Variants in LMO3 observed in about 807,000 individuals in gnomAD.
The protein encoded by LMO3 is LIM domain only 3, also known as LIM domain only protein 3.
In LMO3, 2 loss-of-function variants were observed where a neutral mutation model predicts 15.8. The observed-to-expected ratio is 0.13, with a 90% confidence interval of 0.05 to 0.40. The LOEUF (loss-of-function observed/expected upper bound fraction) is 0.40, where lower values mean the gene tolerates loss of function less well. Among genes scored for constraint, LMO3 ranks in the 10% least tolerant of loss-of-function variants. The probability of loss-of-function intolerance (pLI) is 0.99; values close to 1 mark genes in which losing one functional copy is unlikely to be tolerated. For missense variants in LMO3, 86 were observed against 182.2 expected (o/e 0.47, Z 3.04); for synonymous variants, 62 against 63.8 (o/e 0.97, Z 0.13).
At chr12:16,553,706 A>G (rs1380946662) in intron 3 of LMO3, among the ~76,000 whole-genome samples, 1 of 152,176 alleles carries the variant, frequency 6.6e-6, no homozygotes, top group Non-Finnish European at 1.5e-5. Flanking sequence ...TAAGGTTGAC[A>G]TCCTCTTTAA....
intron 2 of LMO3, among the ~76,000 whole-genome samples, chr12:16,578,395 G>A (rs992176564): frequency 5.3e-5 from 8 of 152,136 alleles, no homozygotes; most frequent in South Asian, 2.1e-4. Context: ...GAAAGGGGAG[G>A]GGTCAGGTAG....
In LMO3 at chr12:16,593,637, G is replaced by A. The variant is rs943700490; in HGVS notation, c.206+7018C>T. ...ACAAGCAAATGCACAGTTGGCTGATGTAGTTAGTTTGTGAAGATAGAAAAC... is the reference window on the plus strand; with the variant it reads ...ACAAGCAAATGCACAGTTGGCTGATATAGTTAGTTTGTGAAGATAGAAAAC... On this transcript the variant is annotated intron_variant, in intron 2 of 3. Transcript: ENST00000537304. This position sits in a 1 kb window ranked among gnomAD's most constrained non-coding sequence, Gnocchi z 4.2. Among the ~76,000 whole-genome samples the A allele has an allele frequency of 6.6e-6, 1 of 151,798 alleles. No individual in the cohort carries two copies. The highest frequency in any genetic ancestry group is 1.5e-5 in the Non-Finnish European group (1 of 67,780).
At chr12:16,606,719 G>A (rs983392142), upstream of LMO3, 1 of 152,094 alleles carries the variant, frequency 6.6e-6, no homozygotes, top group Non-Finnish European at 1.5e-5. Context: ...TGCGAGTGCA[G>A]TCAGCACAAC....
chr12:16,579,206 A>G (rs930192367), intron 2 of LMO3, among the ~76,000 whole-genome samples: 1 of 152,188 alleles, frequency 6.6e-6, no homozygotes, highest in African/African-American at 2.4e-5. Flanking sequence ...CACATAATTT[A>G]GATATTTAGG....
At position 16,606,078 on chromosome 12, in the gene LMO3, G is replaced by A. The variant is rs1242495956; in HGVS notation, c.-21C>T. ...TTGCTGCACTTACCTTCTCAATTAA[G>A]CGATACAGGGGGAGGCCGTTCAGTA... On this transcript the variant is annotated 5_prime_UTR_variant, in exon 1 of 4. Transcript: ENST00000537304. The A allele has an allele frequency of 4.1e-6, 2 of 486,370 alleles. No homozygotes were observed. The highest frequency in any genetic ancestry group is 4.0e-5 in the African/African-American group (2 of 50,046). 30.1% of individuals were successfully genotyped at this position (486,370 alleles called of 1,614,324 possible). A position where few individuals can be genotyped will look rare whatever the true frequency, so the allele number is the denominator to read the frequency against.
Position 16,550,772 on chromosome 12 carries a change from G to A in LMO3, c.*450C>T, listed in dbSNP as rs1273404220. 6.5e-6 allele frequency: 1 copy of A among 153,296 alleles called. No individual in the cohort carries two copies. Among genetic ancestry groups the A allele is most frequent in the Non-Finnish European group, 1.5e-5 (1 of 68,534 alleles). 9.5% of individuals were successfully genotyped at this position (153,296 alleles called of 1,614,324 possible). A position where few individuals can be genotyped will look rare whatever the true frequency, so the allele number is the denominator to read the frequency against. ...TTCAATTCTTTACTAGAAAGTTACA[G>A]CTCATTTAAAATAGCTGGTAAATAC... On this transcript the variant is annotated 3_prime_UTR_variant, in exon 4 of 4. Transcript: ENST00000537304.
chr12:16,580,319 G>C lies in LMO3; in HGVS notation c.207-19781C>G, dbSNP rs373193607. Among the ~76,000 whole-genome samples, 124 of 152,240 alleles carry C rather than the reference G, an allele frequency of 8.1e-4. 4 individuals carry two copies. In the South Asian group the frequency reaches 0.025, roughly 31 times the overall value. Reference sequence around the variant, plus strand: ...AACTTCTGTTTTACTGGGAGCACTAGGAATAGAAGGATCAAGAGCAAAGAC... The same window carrying C: ...AACTTCTGTTTTACTGGGAGCACTACGAATAGAAGGATCAAGAGCAAAGAC... On this transcript the variant is annotated intron_variant, in intron 2 of 3. Coordinates refer to ENST00000537304, the MANE Select transcript of LMO3 (RefSeq NM_018640.5).
chr12:16,573,681 G>A (rs115452118), intron 2 of LMO3: 1 of 152,188 alleles, frequency 6.6e-6, no homozygotes, highest in African/African-American at 2.4e-5. Context: ...TGCTCTGCTC[G>A]AGCTGGAGCG....
intron 2 of LMO3, among the ~76,000 whole-genome samples, chr12:16,578,258 A>G (rs1215840019): frequency 6.6e-6 from 1 of 152,222 alleles, no homozygotes; most frequent in Admixed American, 6.5e-5. Context: ...GAATTCTAAG[A>G]GAATTTTTTC....
chr12:16,605,565 C>CT (rs1943965925), intron 1 of LMO3: 5 of 640,004 alleles, frequency 7.8e-6, no homozygotes, highest in South Asian at 4.2e-5. Context: ...AATATCAACT[C>CT]TTTAAGAAGT....
chr12:16,585,376 A>G lies in LMO3; in HGVS notation c.206+15279T>C, dbSNP rs1301295842. 6.6e-6 allele frequency among the ~76,000 whole-genome samples: 1 copy of G among 152,208 alleles called. No homozygotes were observed. Among genetic ancestry groups the G allele is most frequent in the Admixed American group, 6.5e-5 (1 of 15,282 alleles). On this transcript the variant is annotated intron_variant, in intron 2 of 3. Transcript: ENST00000537304. The surrounding 1 kb of genome is among the most constrained non-coding windows in gnomAD (Gnocchi z 4.7). ...TGGATTAACTTTATGTTAAACAATC[A>G]CTTGGCCACAAAGATTAATATTAAC...
Position 16,560,573 on chromosome 12 carries a change from T to C in LMO3, c.207-35A>G. 1.1e-5 allele frequency: 18 copies of C among 1,584,492 alleles called. No individual in the cohort carries two copies. Among genetic ancestry groups the C allele is most frequent in the Non-Finnish European group, 1.6e-5 (18 of 1,160,708 alleles). ...GAAACATTTTTTTTTTTTTACAAAC[T>C]CTTACAGAGAAATCTGAGATCGTGA... On this transcript the variant is annotated intron_variant, in intron 2 of 3. Transcript: ENST00000537304. The surrounding 1 kb of genome is among the most constrained non-coding windows in gnomAD (Gnocchi z 5.0).
chr12:16,605,185 C>T (rs1943947623), intron 1 of LMO3: 1 of 1,348,858 alleles, frequency 7.4e-7, no homozygotes, highest in African/African-American at 1.5e-5. Context: ...GCCCGTAATC[C>T]TAAAATCCCA....
chr12:16,575,602 T>G (rs952267608), intron 2 of LMO3, among the ~76,000 whole-genome samples: 1 of 152,126 alleles, frequency 6.6e-6, no homozygotes, highest in Non-Finnish European at 1.5e-5. Context: ...ATCCATTTTA[T>G]GGATGAGGAA....
Position 16,559,947 on chromosome 12 carries a change from C to T in LMO3, c.332+466G>A, listed in dbSNP as rs1942331279. On this transcript the variant is annotated intron_variant, in intron 3 of 3. Transcript: ENST00000537304. The surrounding 1 kb of genome is among the most constrained non-coding windows in gnomAD (Gnocchi z 4.1). ...TGCGCTCTAGGCTGGGTGACAGAAC[C>T]AGACCTTGTATTTAAAAAAGCAAAA... 6.6e-6 allele frequency among the ~76,000 whole-genome samples: 1 copy of T among 151,844 alleles called. No homozygotes were observed. Among genetic ancestry groups the T allele is most frequent in the African/African-American group, 2.4e-5 (1 of 41,348 alleles).
intron 2 of LMO3, among the ~76,000 whole-genome samples, chr12:16,561,707 G>A (rs1298599136): frequency 3.3e-5 from 5 of 152,204 alleles, no homozygotes. Context: ...TCATTTTCAA[G>A]TTTATAACTA....
intron 1 of LMO3, chr12:16,605,805 C>T (rs1438023902): frequency 6.5e-7 from 1 of 1,535,586 alleles, no homozygotes. Context: ...TCCCTCCTTC[C>T]ATCAACATCT....
intron 3 of LMO3, among the ~76,000 whole-genome samples, chr12:16,557,424 A>C (rs1250272065): frequency 1.3e-5 from 2 of 151,020 alleles, no homozygotes; most frequent in African/African-American, 4.9e-5. Flanking sequence ...ATGTGAGGGA[A>C]TGCGTAGTTT....
rs1943762030 is a variant in LMO3 at position 16,599,699 on chromosome 12, A to G, written c.206+956T>C. Reference sequence around the variant, plus strand: ...TACTTTATTAATATAAGTAATTTGCAGCTGAAGTAAGTCACAAAGTTGCCT... The same window carrying G: ...TACTTTATTAATATAAGTAATTTGCGGCTGAAGTAAGTCACAAAGTTGCCT... On this transcript the variant is annotated intron_variant, in intron 2 of 3. Transcript: ENST00000537304. This position sits in a 1 kb window ranked among gnomAD's most constrained non-coding sequence, Gnocchi z 4.1. 1 of 152,202 alleles carries G rather than the reference A, an allele frequency of 6.6e-6. No individual in the cohort carries two copies. Among genetic ancestry groups the G allele is most frequent in the African/African-American group, 2.4e-5 (1 of 41,454 alleles). 9.4% of individuals were successfully genotyped at this position (152,202 alleles called of 1,614,324 possible).
Sources: allele counts gnomAD v4.1 joint callset (sites outside exome capture counted in the v4.1 genomes callset), GRCh38; gene constraint gnomAD v4.1.1; non-coding constraint Gnocchi (gnomAD v3.1); transcripts MANE v1.5; gene names NCBI Gene and HGNC (gene_info 2026-07-23, HGNC 2026-07-21).